WFDC13: variants seen among roughly 807,000 people sequenced by gnomAD.
WFDC13 encodes the protein WAP four-disulfide core domain 13.
A neutral mutation model predicts 10.9 loss-of-function variants in WFDC13; 6 were observed. The observed-to-expected ratio is 0.55, with a 90% confidence interval of 0.30 to 1.09. The LOEUF (loss-of-function observed/expected upper bound fraction) is 1.09, where lower values mean the gene tolerates loss of function less well. Among genes scored for constraint, WFDC13 ranks in the 50% least tolerant of loss-of-function variants. WFDC13 has a pLI of 0.06. For missense variants in WFDC13, 104 were observed against 109.6 expected, an observed-to-expected ratio of 0.95 and a Z score of 0.23; for synonymous variants, 38 against 39.5, an observed-to-expected ratio of 0.96 and a Z score of 0.14.
rs2081532067 is a variant in WFDC13 at position 45,708,216 on chromosome 20, A to C, written c.*381A>C. On this transcript the variant is annotated 3_prime_UTR_variant, in exon 4 of 4. Transcript: ENST00000305479. Reference sequence around the variant, plus strand: ...GCCCTTGGTTGCACTCATCAGGCTAATTGATCCCATATTTAACCTCAAGGA... The same window carrying C: ...GCCCTTGGTTGCACTCATCAGGCTACTTGATCCCATATTTAACCTCAAGGA... 6.6e-6 allele frequency: 1 copy of C among 152,200 alleles called. No individual in the cohort carries two copies. Among genetic ancestry groups the C allele is most frequent in the African/African-American group, 2.4e-5 (1 of 41,438 alleles). 9.4% of individuals were successfully genotyped at this position (152,200 alleles called of 1,614,324 possible).
intron 2 of WFDC13, chr20:45,705,136 A>G (rs779327786): frequency 5.5e-5 from 40 of 728,524 alleles, no homozygotes; most frequent in Non-Finnish European, 8.1e-5. Flanking sequence ...CTGATGAGAC[A>G]TATGGTTTCT....
intron 2 of WFDC13, 98 bp from the exon 3 acceptor site, chr20:45,705,765 T>C: frequency 1.7e-6 from 2 of 1,145,788 alleles, no homozygotes; most frequent in South Asian, 2.9e-5. Context: ...ATGAGCTTCA[T>C]GGTCTAATAT....
Position 45,702,064 on chromosome 20 carries a change from A to T in WFDC13, c.-60A>T. On this transcript the variant is annotated 5_prime_UTR_variant, in exon 1 of 4. Coordinates refer to ENST00000305479, the MANE Select transcript of WFDC13 (RefSeq NM_172005.2). ...TCTTTCCTTCTCTTCTCCTCACAGC[A>T]GTGCCTGGTCAAACCCAGCAACCCT... is the stretch of plus-strand genomic sequence containing the variant. 1 of 1,512,380 alleles carries T rather than the reference A, an allele frequency of 6.6e-7. No homozygotes were observed. The highest frequency in any genetic ancestry group is 9.1e-7 in the Non-Finnish European group (1 of 1,103,512). The allele number at this position is 1,512,380 out of a possible 1,614,324, so 93.7% of individuals were successfully genotyped here.
intron 1 of WFDC13, among the ~76,000 whole-genome samples, chr20:45,703,370 A>G (rs1984251202): frequency 6.6e-6 from 1 of 152,100 alleles, no homozygotes; most frequent in African/African-American, 2.4e-5. Flanking sequence ...CTTTTACCCC[A>G]ATTCTGGTGC....
chr20:45,705,271 A>C (rs1019559668), intron 2 of WFDC13: 7 of 441,438 alleles, frequency 1.6e-5, no homozygotes, highest in Non-Finnish European at 2.1e-5. Context: ...GCCCATATGA[A>C]ATTTCAAAAG....
At chr20:45,705,983 C>G in intron 3 of WFDC13, 56 bp downstream of exon 3, 2 of 1,498,444 alleles carry the variant, frequency 1.3e-6, no homozygotes, top group Non-Finnish European at 1.9e-6. Context: ...GGGATGCTCA[C>G]TTTCTTCCTG....
intron 1 of WFDC13, among the ~76,000 whole-genome samples, chr20:45,704,229 AC>A (rs1984292500): frequency 6.6e-6 from 1 of 152,082 alleles, no homozygotes; most frequent in African/African-American, 2.4e-5. Flanking sequence ...GTTCTACCAA[AC>A]TCTGTTCTTG....
chr20:45,708,611 A>G lies in WFDC13; in HGVS notation c.*776A>G, dbSNP rs1984490418. The G allele has an allele frequency of 6.6e-6, 1 of 152,244 alleles. No individual in the cohort carries two copies. Among genetic ancestry groups the G allele is most frequent in the Non-Finnish European group, 1.5e-5 (1 of 68,036 alleles). The allele number at this position is 152,244 out of a possible 1,614,324, so 9.4% of individuals were successfully genotyped here. The stretch of plus-strand genomic sequence containing the variant: ...CTTCTGTTCTCTCTACAGAAATGAT[A>G]TAAAAACTATAGTCATAAGAAGAGA... On this transcript the variant is annotated 3_prime_UTR_variant, in exon 4 of 4. Transcript: ENST00000305479.
At chr20:45,706,013 A>G in intron 3 of WFDC13, 86 bp downstream of exon 3, 3 of 1,144,642 alleles carry the variant, frequency 2.6e-6, no homozygotes, top group Non-Finnish European at 3.9e-6. Flanking sequence ...CAGGGGCACT[A>G]CATTCCCACA....
At chr20:45,707,453 A>T (rs1040605734) in intron 3 of WFDC13, among the ~76,000 whole-genome samples, 5 of 152,094 alleles carry the variant, frequency 3.3e-5, no homozygotes, top group Admixed American at 1.3e-4. Context: ...TTTAAATGTT[A>T]ATTCATATGA....
Position 45,704,698 on chromosome 20 carries a change from T to A in WFDC13, c.239+104T>A, listed in dbSNP as rs912195727. On this transcript the variant is annotated intron_variant, in intron 2 of 3. Coordinates refer to ENST00000305479, the MANE Select transcript of WFDC13 (RefSeq NM_172005.2). ...GTGCTGGATCTCTCCTTTTTTTTTT[T>A]TTTCCTTGGTGGCCATGTTGCCAAC... The A allele has an allele frequency of 4.0e-5, 60 of 1,502,598 alleles. 1 individual carries two copies. In the African/African-American group the frequency reaches 8.1e-4, roughly 20 times the overall value. 93.1% of individuals were successfully genotyped at this position (1,502,598 alleles called of 1,614,324 possible).
At chr20:45,704,774 A>G (rs1984321781) in intron 2 of WFDC13, 180 bp downstream of exon 2, 9 of 1,296,962 alleles carry the variant, frequency 6.9e-6, no homozygotes, top group Admixed American at 1.9e-5. Flanking sequence ...CTGATTAGAA[A>G]AGCCCTCCTC....
rs183041894 is a variant in WFDC13, at chr20:45,704,572, G to A, written c.217G>A (p.Glu73Lys). ...CTTCTGTGGGATAGTCTGTTCATCA[G>A]AAACATTTCAAAAGCGCAACAGGTA... ...SSFCGIVCSS[E>K]TFQKRNRIKH... is the part of the protein sequence containing the mutation. The change falls in exon 2 of 4, where the codon GAA becomes AAA. Residue 73 changes from glutamate (E) to lysine (K), a missense_variant. Transcript: ENST00000305479. 150 of 1,614,072 alleles carry A rather than the reference G, an allele frequency of 9.3e-5. No individual in the cohort carries two copies. The highest frequency in any genetic ancestry group is 2.0e-4 in the Admixed American group (12 of 60,000).
intron 3 of WFDC13, 141 bp downstream of exon 3, chr20:45,706,068 A>G (rs550397080): frequency 2.9e-6 from 2 of 697,364 alleles, no homozygotes; most frequent in Non-Finnish European, 4.9e-6. Flanking sequence ...CTCCTCCATC[A>G]TTCCCCTCCA....
At chr20:45,703,475 T>C (rs1316719355) in intron 1 of WFDC13, among the ~76,000 whole-genome samples, 2 of 152,164 alleles carry the variant, frequency 1.3e-5, no homozygotes, top group Non-Finnish European at 2.9e-5. Context: ...ATTGCAAATA[T>C]TTGCAGAGGA....
Position 45,705,557 on chromosome 20 carries a change from T to C in WFDC13, c.240-306T>C, listed in dbSNP as rs6104303. ...TAGTGAGGTTAAAATAGACAATCCA[T>C]GTAAGCTTTAAAACATTACTTGCCA... On this transcript the variant is annotated intron_variant, in intron 2 of 3. Transcript: ENST00000305479. Among the ~76,000 whole-genome samples, 530 of 152,352 alleles carry C rather than the reference T, an allele frequency of 3.5e-3. 8 individuals carry two copies. Among genetic ancestry groups the C allele is most frequent in the African/African-American group, 0.012 (517 of 41,584 alleles).
chr20:45,702,708 A>G (rs1984216094), intron 1 of WFDC13, among the ~76,000 whole-genome samples: 2 of 152,168 alleles, frequency 1.3e-5, no homozygotes, highest in South Asian at 4.1e-4. Context: ...CACATTTTCA[A>G]ACTCCAGAGG....
chr20:45,704,747 T>C (rs1984321077), intron 2 of WFDC13, among the ~76,000 whole-genome samples, 153 bp downstream of exon 2: 1 of 151,110 alleles, frequency 6.6e-6, no homozygotes, highest in South Asian at 2.1e-4. Flanking sequence ...TGACCAAGGA[T>C]AATTTCCATA....
Position 45,708,378 on chromosome 20 carries a change from C to A in WFDC13, c.*543C>A, listed in dbSNP as rs1006116481. 4 of 152,066 alleles carry A rather than the reference C, an allele frequency of 2.6e-5. No homozygotes were observed. Among genetic ancestry groups the A allele is most frequent in the African/African-American group, 9.7e-5 (4 of 41,260 alleles). 9.4% of individuals were successfully genotyped at this position (152,066 alleles called of 1,614,324 possible). A position where few individuals can be genotyped will look rare whatever the true frequency, so the allele number is the denominator to read the frequency against. ...AGTTGGATCAGTGACTAAGAGGCTG[C>A]AATAAGGTGCCATGAAATCAAAATC... is the stretch of plus-strand genomic sequence containing the variant. On this transcript the variant is annotated 3_prime_UTR_variant, in exon 4 of 4. Coordinates refer to ENST00000305479, the MANE Select transcript of WFDC13 (RefSeq NM_172005.2).
Sources: gnomAD v4.1 joint callset for allele counts (sites outside exome capture counted in the v4.1 genomes callset) on GRCh38, gnomAD v4.1.1 for gene constraint, MANE v1.5 for transcripts, NCBI Gene and HGNC (gene_info 2026-07-23, HGNC 2026-07-21) for gene names.